The following PLCB2 variants were observed in gnomAD, a reference collection of about 807,000 sequenced individuals.
PLCB2 encodes the protein 1-phosphatidylinositol 4,5-bisphosphate phosphodiesterase beta-2.
Under a neutral mutation model 141.7 loss-of-function variants are expected in PLCB2, and 115 were observed. That is an observed-to-expected ratio of 0.81 (90% CI 0.70 to 0.95). The LOEUF is 0.95. Among genes scored for constraint, PLCB2 ranks in the 40% least tolerant of loss-of-function variants. PLCB2 has a pLI of 0.00. For missense variants in PLCB2, 1,403 were observed against 1,541.1 expected (o/e 0.91, Z 1.50); for synonymous variants, 603 against 595.6 (o/e 1.01, Z -0.18).
At chr15:40,293,127 G>A (rs2040024528) in intron 20 of PLCB2, 102 bp from the exon 21 acceptor site, 3 of 697,594 alleles carry the variant, frequency 4.3e-6, no homozygotes, top group Non-Finnish European at 7.5e-6. Flanking sequence ...AGAACATGGT[G>A]AGTGTCACCA....
chr15:40,289,879 T>A (rs2039761588), intron 30 of PLCB2, 146 bp downstream of exon 30: 1 of 730,452 alleles, frequency 1.4e-6, no homozygotes, highest in East Asian at 2.5e-5. Flanking sequence ...AGGCAGTGCA[T>A]CTCCTAAGGG....
Position 40,301,326 on chromosome 15 carries a change from C to T in PLCB2, c.582+631G>A. 7.2e-6 allele frequency: 4 copies of T among 556,976 alleles called. No individual in the cohort carries two copies. In the South Asian group the frequency reaches 9.1e-5, roughly 13 times the overall value. The allele number at this position is 556,976 out of a possible 1,614,324, so 34.5% of individuals were successfully genotyped here. On this transcript the variant is annotated intron_variant, in intron 7 of 31. Transcript: ENST00000260402. Reference sequence around the variant, plus strand: ...GCAGGGACAGGGGCTGAGATTCGCTCCATTGGCCAGGCTTGAAGCCTAGCT... The same window carrying T: ...GCAGGGACAGGGGCTGAGATTCGCTTCATTGGCCAGGCTTGAAGCCTAGCT...
intron 11 of PLCB2, 131 bp from the exon 12 acceptor site, chr15:40,298,090 T>A (rs886312597): frequency 8.3e-7 from 1 of 1,198,296 alleles, no homozygotes; most frequent in Non-Finnish European, 1.2e-6. Context: ...CCCCAATCCC[T>A]GCTGGTCCCC....
chr15:40,293,532 C>T (rs2040041411), intron 20 of PLCB2, 28 bp downstream of exon 20: 2 of 1,608,652 alleles, frequency 1.2e-6, no homozygotes, highest in East Asian at 4.5e-5. Context: ...ACTAGACAGA[C>T]TCTGCCCTGC....
intron 30 of PLCB2, 135 bp from the exon 31 acceptor site, chr15:40,289,493 T>C (rs2039734581): frequency 1.5e-6 from 1 of 686,554 alleles, no homozygotes; most frequent in African/African-American, 1.8e-5. Flanking sequence ...TTAAAATTTG[T>C]AAGATAAGGA....
At chr15:40,295,492 T>TG in intron 16 of PLCB2, among the ~76,000 whole-genome samples, 1 of 150,944 alleles carries the variant, frequency 6.6e-6, no homozygotes, top group East Asian at 1.9e-4. Context: ...TCAGTGTGTA[T>TG]GCACAGGGGT....
At chr15:40,289,210 G>C in intron 31 of PLCB2, 62 bp downstream of exon 31, 1 of 1,428,852 alleles carries the variant, frequency 7.0e-7, no homozygotes, top group Non-Finnish European at 9.9e-7. Context: ...CCTGGGGCAA[G>C]GCCCCTTTAC....
intron 11 of PLCB2, 121 bp downstream of exon 11, chr15:40,298,102 A>G (rs1003625827): frequency 2.8e-5 from 35 of 1,251,402 alleles, no homozygotes; most frequent in Middle Eastern, 1.9e-4. Context: ...CTGGTCCCCA[A>G]TGGTCTGAGG....
intron 1 of PLCB2, among the ~76,000 whole-genome samples, chr15:40,305,748 C>CTCA (rs1157732294): frequency 2.0e-5 from 3 of 152,198 alleles, no homozygotes; most frequent in Non-Finnish European, 2.9e-5. Flanking sequence ...TTCTGCCAGG[C>CTCA]TCAGAAAGCA....
intron 7 of PLCB2, 106 bp downstream of exon 7, chr15:40,301,850 TG>T: frequency 1.0e-6 from 1 of 960,280 alleles, no homozygotes; most frequent in Non-Finnish European, 1.6e-6. Flanking sequence ...GGCTCTTGGC[TG>T]GGGCTGTGAT....
chr15:40,297,019 C>A lies in PLCB2; in HGVS notation c.1324-111G>T. On this transcript the variant is annotated intron_variant, in intron 13 of 31. Transcript: ENST00000260402. This position sits in a 1 kb window ranked among gnomAD's most constrained non-coding sequence, Gnocchi z 4.2. ...CTCCCCCACTCCTCTTGACCTGCCT[C>A]TCACTACTGCTTATCATCCCCATTC... 1 of 944,972 alleles carries A rather than the reference C, an allele frequency of 1.1e-6. No individual in the cohort carries two copies. Among genetic ancestry groups the A allele is most frequent in the Non-Finnish European group, 1.7e-6 (1 of 601,398 alleles). The allele number at this position is 944,972 out of a possible 1,614,324, so 58.5% of individuals were successfully genotyped here.
At position 40,288,988 on chromosome 15, in the gene PLCB2, T is replaced by C. The variant is rs1192385930; in HGVS notation, c.3355-70A>G. On this transcript the variant is annotated intron_variant, in intron 31 of 31. Coordinates refer to ENST00000260402, the MANE Select transcript of PLCB2 (RefSeq NM_004573.3). ...CTGGCCACCCTCGCTCCCTGGACAG[T>C]GGGAACAGGAGATGCCCAATATCCA... 1.9e-6 allele frequency: 3 copies of C among 1,572,848 alleles called. No individual in the cohort carries two copies. The African/African-American group carries it at 4.1e-5, about 21-fold the overall frequency.
In PLCB2 at chr15:40,299,280, A is replaced by G. The variant is rs532538949; in HGVS notation, c.583-52T>C. On this transcript the variant is annotated intron_variant, in intron 7 of 31. Coordinates refer to ENST00000260402, the MANE Select transcript of PLCB2 (RefSeq NM_004573.3). ...CTGCCCTCACCTTCTCAGAGCTAAG[A>G]ACCACAAACTCGGCCCAGCCCTGGT... The G allele has an allele frequency of 8.5e-5, 109 of 1,285,588 alleles. No individual in the cohort carries two copies. In the South Asian group the frequency reaches 1.3e-3, roughly 15 times the overall value. The allele number at this position is 1,285,588 out of a possible 1,614,324, so 79.6% of individuals were successfully genotyped here. A position where few individuals can be genotyped will look rare whatever the true frequency, so the allele number is the denominator to read the frequency against.
In PLCB2 at chr15:40,302,159, A is replaced by G; in HGVS notation, c.483T>C (p.Ser161=). The change falls in exon 6 of 32, where the codon TCT becomes TCC. Residue 161 remains serine (S), a synonymous_variant. Transcript: ENST00000260402. ...ACTTCTTCACCGGAATCTTCCCTTC[A>G]GAGTTGAGCTGCATCTTGAGCTTCA... ...ILVKLKMQLN[S]EGKIPVKNFF... 6.2e-7 allele frequency: 1 copy of G among 1,611,590 alleles called. No homozygotes were observed. Among genetic ancestry groups the G allele is most frequent in the South Asian group, 1.1e-5 (1 of 90,874 alleles).
chr15:40,294,233 C>A, intron 19 of PLCB2, 33 bp downstream of exon 19: 1 of 1,610,026 alleles, frequency 6.2e-7, no homozygotes, highest in Non-Finnish European at 8.5e-7. Flanking sequence ...AAGACCTCAG[C>A]CTCCCGGCCA....
At chr15:40,305,365 G>A (rs1392302752) in intron 1 of PLCB2, among the ~76,000 whole-genome samples, 1 of 152,012 alleles carries the variant, frequency 6.6e-6, no homozygotes, top group Non-Finnish European at 1.5e-5. Flanking sequence ...CCCACAACAG[G>A]CCCCTGTGAT....
rs539194279 is a variant in PLCB2, at chr15:40,292,385, G to A, written c.2385C>T (p.Leu795=). The part of the protein sequence containing the change: ...ESNMPLTMPA[L]FIFLEMKDYI... ...AGTCCTTCATCTCCAGGAAGATGAA[G>A]AGCGCAGGCATGGTGAGGGGCATGT... The change falls in exon 22 of 32, where the codon CTC becomes CTT. Residue 795 remains leucine (L), a synonymous_variant. Coordinates refer to ENST00000260402, the MANE Select transcript of PLCB2 (RefSeq NM_004573.3). The A allele has an allele frequency of 6.2e-7, 1 of 1,613,898 alleles. No homozygotes were observed. Among genetic ancestry groups the A allele is most frequent in the South Asian group, 1.1e-5 (1 of 91,064 alleles).
At chr15:40,289,926 GAAGAGAGAGAGAGA>G (rs1441546952) in intron 30 of PLCB2, 85 bp downstream of exon 30, 2 of 726,210 alleles carry the variant, frequency 2.8e-6, no homozygotes, top group South Asian at 2.9e-5. Context: ...TCCTACTTGT[GAAGAGAGAGAGAGA>G]GAGAGAGAGA....
chr15:40,289,960 AGAGAGAGAGTGTGT>A (rs1273592207), intron 30 of PLCB2, 51 bp downstream of exon 30: 62 of 659,532 alleles, frequency 9.4e-5, no homozygotes, highest in East Asian at 1.4e-4. Context: ...AGAGAGAGAG[AGAGAGAGAGTGTGT>A]GTGTGTGTGT....
Sources: gnomAD v4.1 joint callset for allele counts (sites outside exome capture counted in the v4.1 genomes callset) on GRCh38, gnomAD v4.1.1 for gene constraint, Gnocchi (gnomAD v3.1) non-coding constraint, MANE v1.5 for transcripts, NCBI Gene and HGNC (gene_info 2026-07-23, HGNC 2026-07-21) for gene names.